Variants in GRIK3 observed in about 807,000 individuals in gnomAD.
GRIK3 encodes glutamate ionotropic receptor kainate type subunit 3.
GRIK3 carries 29 observed loss-of-function variants against 102.5 expected under a neutral mutation model. The observed-to-expected ratio is 0.28, with a 90% CI of 0.21 to 0.39. GRIK3 has a LOEUF of 0.39. GRIK3 is among the 10% of genes least tolerant of loss of function. The pLI is 1.00. For missense variants in GRIK3, 908 were observed against 1,252.4 expected (o/e 0.73, Z 4.15); for synonymous variants, 511 against 504.9 (o/e 1.01, Z -0.16).
intron 11 of GRIK3, among the ~76,000 whole-genome samples, chr1:36,823,391 G>A (rs1242194675): frequency 2.0e-5 from 3 of 147,242 alleles, no homozygotes; most frequent in Non-Finnish European, 4.5e-5. Context: ...GGAGAATGGC[G>A]TGAACCCGGG....
chr1:36,895,102 CA>C (rs1455385493), intron 1 of GRIK3, among the ~76,000 whole-genome samples: 1 of 152,080 alleles, frequency 6.6e-6, no homozygotes, highest in Non-Finnish European at 1.5e-5. Context: ...ACAGGCTCAC[CA>C]AAAGACTGAG....
At chr1:36,917,148 G>C (rs1013454569) in intron 1 of GRIK3, among the ~76,000 whole-genome samples, 1 of 152,206 alleles carries the variant, frequency 6.6e-6, no homozygotes, top group African/African-American at 2.4e-5. Context: ...AGATTTGAGT[G>C]CCCTGCTGGA....
rs369133250 is a variant in GRIK3, at chr1:36,801,818, C to T, written c.*33G>A. 32 of 1,540,142 alleles carry T rather than the reference C, an allele frequency of 2.1e-5. No homozygotes were observed. Among genetic ancestry groups the T allele is most frequent in the Non-Finnish European group, 2.7e-5 (31 of 1,137,488 alleles). ...ATCTCCTTTGCTTTCCTCTGCCCAG[C>T]CCCCAGGCCTGAGGTCCCCACCCCA... On this transcript the variant is annotated 3_prime_UTR_variant, in exon 16 of 16. Transcript: ENST00000373091.
intron 2 of GRIK3, among the ~76,000 whole-genome samples, chr1:36,887,771 A>AAAAAT (rs1553179964): frequency 9.4e-6 from 1 of 106,740 alleles, no homozygotes; most frequent in African/African-American, 3.8e-5. Context: ...AAAAAAAAAA[A>AAAAAT]ATATATATAT....
intron 1 of GRIK3, among the ~76,000 whole-genome samples, chr1:36,993,056 T>A (rs1455822764): frequency 1.3e-5 from 2 of 151,712 alleles, no homozygotes; most frequent in Admixed American, 1.3e-4. Flanking sequence ...GATGAAGTAT[T>A]AGGGTGGGGG....
At chr1:36,983,655 C>T (rs1258074039) in intron 1 of GRIK3, among the ~76,000 whole-genome samples, 1 of 152,088 alleles carries the variant, frequency 6.6e-6, no homozygotes. Context: ...TTGACCACTA[C>T]TCTATAATAC....
At chr1:36,810,692 C>CT (rs1000387565) in intron 13 of GRIK3, among the ~76,000 whole-genome samples, 22 of 152,124 alleles carry the variant, frequency 1.4e-4, no homozygotes, top group Non-Finnish European at 2.9e-4. Context: ...GAAAGAAGAC[C>CT]TTTTTCCATA....
chr1:36,867,833 C>A (rs778583984), intron 5 of GRIK3, among the ~76,000 whole-genome samples: 7 of 152,108 alleles, frequency 4.6e-5, no homozygotes, highest in Non-Finnish European at 7.4e-5. Flanking sequence ...AAGTCCCAGC[C>A]GTAAATATCC....
intron 1 of GRIK3, among the ~76,000 whole-genome samples, chr1:36,903,656 G>GT (rs1641254853): frequency 6.6e-6 from 1 of 152,170 alleles, no homozygotes. Flanking sequence ...GAGCTATCAA[G>GT]CCATGAAAAG....
At chr1:36,904,999 A>C (rs1641269801) in intron 1 of GRIK3, among the ~76,000 whole-genome samples, 1 of 152,206 alleles carries the variant, frequency 6.6e-6, no homozygotes, top group Non-Finnish European at 1.5e-5. Flanking sequence ...TTAAAAACAC[A>C]AGGGAATCAG....
At chr1:36,853,831 C>G in intron 7 of GRIK3, 109 bp from the exon 8 acceptor site, 2 of 686,186 alleles carry the variant, frequency 2.9e-6, no homozygotes, top group Admixed American at 4.4e-5. Context: ...TACTGTTCCC[C>G]CAAGACCATG....
chr1:36,813,381 A>G (rs1217315350), intron 13 of GRIK3, among the ~76,000 whole-genome samples: 1 of 152,246 alleles, frequency 6.6e-6, no homozygotes, highest in Non-Finnish European at 1.5e-5. Context: ...TCTCCTAGAC[A>G]TCTGATGGCT....
chr1:36,892,254 G>T (rs1178758555), intron 1 of GRIK3, among the ~76,000 whole-genome samples: 1 of 152,124 alleles, frequency 6.6e-6, no homozygotes, highest in Non-Finnish European at 1.5e-5. Context: ...CTTGACCTCA[G>T]GTGAGCCACC....
intron 1 of GRIK3, among the ~76,000 whole-genome samples, chr1:36,996,211 C>T (rs1401326634): frequency 6.6e-6 from 1 of 152,216 alleles, no homozygotes; most frequent in Non-Finnish European, 1.5e-5. Flanking sequence ...GAAGAGATGG[C>T]CTGTGTTGCC....
chr1:36,991,736 G>T (rs546119398), intron 1 of GRIK3, among the ~76,000 whole-genome samples: 93 of 152,352 alleles, frequency 6.1e-4, no homozygotes, highest in African/African-American at 1.9e-3. Flanking sequence ...GCTTTCCCTG[G>T]CATCTGCTGA....
At chr1:36,947,540 T>C (rs1190815568) in intron 1 of GRIK3, among the ~76,000 whole-genome samples, 1 of 152,132 alleles carries the variant, frequency 6.6e-6, no homozygotes, top group Non-Finnish European at 1.5e-5. Context: ...CTGCCCTCCC[T>C]TCCCTCTGCC....
At chr1:36,843,013 G>T (rs1166125650) in intron 9 of GRIK3, among the ~76,000 whole-genome samples, 1 of 152,072 alleles carries the variant, frequency 6.6e-6, no homozygotes, top group Non-Finnish European at 1.5e-5. Context: ...CCTGCCACAG[G>T]CTTCTTTCTT....
At chr1:36,976,348 C>A (rs557824033) in intron 1 of GRIK3, among the ~76,000 whole-genome samples, 3 of 151,654 alleles carry the variant, frequency 2.0e-5, no homozygotes, top group African/African-American at 4.9e-5. Flanking sequence ...TTCTATGCAA[C>A]TTATTATATG....
At chr1:36,846,192 C>T (rs546328784) in intron 9 of GRIK3, among the ~76,000 whole-genome samples, 10 of 151,884 alleles carry the variant, frequency 6.6e-5, no homozygotes, top group South Asian at 4.2e-4. Context: ...TGGGGCCGGG[C>T]GGTGAGAGGG....
Sources: gnomAD v4.1 joint callset for allele counts (sites outside exome capture counted in the v4.1 genomes callset) on GRCh38, gnomAD v4.1.1 for gene constraint, MANE v1.5 for transcripts, NCBI Gene and HGNC (gene_info 2026-07-23, HGNC 2026-07-21) for gene names.